Variants in FBXL17 observed in about 807,000 individuals in gnomAD.
FBXL17 encodes F-box and leucine rich repeat protein 17.
Under a neutral mutation model 66.2 loss-of-function variants are expected in FBXL17, and 22 were observed. The observed-to-expected ratio is 0.33, with a 90% confidence interval of 0.24 to 0.47. The LOEUF (loss-of-function observed/expected upper bound fraction) is 0.47. FBXL17 is among the 20% of genes least tolerant of loss of function. FBXL17 has a pLI of 1.00. For missense variants in FBXL17, 878 were observed against 948.2 expected (o/e 0.93, Z 0.97); for synonymous variants, 474 against 400.5 (o/e 1.18, Z -2.19).
intron 7 of FBXL17, among the ~76,000 whole-genome samples, chr5:107,957,751 T>C (rs966812592): frequency 6.6e-6 from 1 of 152,224 alleles, no homozygotes; most frequent in African/African-American, 2.4e-5. Context: ...AACTGTACTT[T>C]GACTGCCTAG....
intron 4 of FBXL17, among the ~76,000 whole-genome samples, chr5:108,344,354 A>G (rs1428620307): frequency 1.3e-5 from 2 of 152,216 alleles, no homozygotes; most frequent in Admixed American, 6.5e-5. Flanking sequence ...AACAGTCACA[A>G]TTAACTTTCA....
At chr5:108,360,196 T>C (rs549558379) in intron 3 of FBXL17, among the ~76,000 whole-genome samples, 3 of 152,192 alleles carry the variant, frequency 2.0e-5, no homozygotes, top group East Asian at 1.9e-4. Context: ...TTATTCTTCA[T>C]ATGGCTTTCA....
At chr5:108,181,064 TA>T (rs1752982633) in intron 6 of FBXL17, among the ~76,000 whole-genome samples, 1 of 152,100 alleles carries the variant, frequency 6.6e-6, no homozygotes, top group Admixed American at 6.6e-5. Flanking sequence ...AAAAAAAGAA[TA>T]AAAGAACCAT....
At chr5:108,135,854 T>G (rs1229275365) in intron 6 of FBXL17, among the ~76,000 whole-genome samples, 7 of 152,074 alleles carry the variant, frequency 4.6e-5, no homozygotes, top group African/African-American at 1.7e-4. Context: ...TTAGGTGAAT[T>G]ATTTTGGGAA....
chr5:107,927,870 T>C (rs1327149448), intron 7 of FBXL17, among the ~76,000 whole-genome samples: 1 of 152,104 alleles, frequency 6.6e-6, no homozygotes, highest in Non-Finnish European at 1.5e-5. Context: ...CATGGCTTTT[T>C]TCAGATCATG....
intron 7 of FBXL17, among the ~76,000 whole-genome samples, chr5:108,018,046 T>TA (rs892875261): frequency 7.3e-5 from 11 of 150,450 alleles, no homozygotes; most frequent in South Asian, 2.1e-4. Context: ...ATGAAGCCTG[T>TA]AAAAAAAAAT....
chr5:108,252,114 G>A (rs1580693627), intron 4 of FBXL17, among the ~76,000 whole-genome samples: 6 of 152,112 alleles, frequency 3.9e-5, no homozygotes. Flanking sequence ...ACGGGTGTTG[G>A]AGACAATATA....
At chr5:108,196,865 T>C (rs1753701409) in intron 5 of FBXL17, among the ~76,000 whole-genome samples, 2 of 152,194 alleles carry the variant, frequency 1.3e-5, no homozygotes, top group Non-Finnish European at 2.9e-5. Context: ...ATTTACATAT[T>C]TGTTCTTAAA....
chr5:108,006,833 A>C (rs1025619428), intron 7 of FBXL17, among the ~76,000 whole-genome samples: 9 of 152,188 alleles, frequency 5.9e-5, no homozygotes, highest in African/African-American at 1.7e-4. Flanking sequence ...CTTCAGGATA[A>C]AGGATTTGCA....
chr5:108,161,018 T>A (rs146605819), intron 6 of FBXL17, among the ~76,000 whole-genome samples: 1 of 152,144 alleles, frequency 6.6e-6, no homozygotes, highest in African/African-American at 2.4e-5. Context: ...AGCCTCCACA[T>A]TGGGAAACAC....
intron 6 of FBXL17, among the ~76,000 whole-genome samples, chr5:108,040,829 A>T (rs1747017411): frequency 6.6e-6 from 1 of 152,188 alleles, no homozygotes; most frequent in Non-Finnish European, 1.5e-5. Context: ...TTAAATATGT[A>T]GGAAGATAAA....
intron 6 of FBXL17, among the ~76,000 whole-genome samples, chr5:108,165,026 AT>A (rs1752362214): frequency 6.6e-6 from 1 of 152,230 alleles, no homozygotes; most frequent in African/African-American, 2.4e-5. Context: ...TCGAAATTCG[AT>A]TTCATGAAAT....
At chr5:107,959,744 A>C (rs2112624691) in intron 7 of FBXL17, among the ~76,000 whole-genome samples, 1 of 152,296 alleles carries the variant, frequency 6.6e-6, no homozygotes, top group South Asian at 2.1e-4. Flanking sequence ...CCTGGCCTTG[A>C]TTGACACAGA....
intron 1 of FBXL17, among the ~76,000 whole-genome samples, chr5:108,371,529 A>G (rs748697135): frequency 2.6e-5 from 4 of 152,210 alleles, no homozygotes; most frequent in Non-Finnish European, 5.9e-5. Flanking sequence ...TTGCTGGCCC[A>G]TTCACAAGAA....
chr5:108,377,743 C>T (rs931666341), intron 1 of FBXL17, among the ~76,000 whole-genome samples: 2 of 152,194 alleles, frequency 1.3e-5, no homozygotes, highest in African/African-American at 2.4e-5. Flanking sequence ...AAGTACATTT[C>T]TTGCGGATAT....
rs572645721 is a variant in FBXL17 at position 108,047,533 on chromosome 5, C to G, written c.1746-26532G>C. On this transcript the variant is annotated intron_variant, in intron 6 of 8. Coordinates refer to ENST00000542267, the MANE Select transcript of FBXL17 (RefSeq NM_001163315.3). Reference sequence around the variant, plus strand: ...AGCACTAGCACTCATAACTGCTTAACACGCTAAGCTCCCTGGGTGGGGGAA... The same window carrying G: ...AGCACTAGCACTCATAACTGCTTAAGACGCTAAGCTCCCTGGGTGGGGGAA... Among the ~76,000 whole-genome samples the G allele has an allele frequency of 7.9e-5, 12 of 152,304 alleles. No homozygotes were observed. The South Asian group carries it at 2.5e-3, about 32-fold the overall frequency.
chr5:108,305,911 G>C (rs1758816714), intron 4 of FBXL17, among the ~76,000 whole-genome samples: 1 of 151,966 alleles, frequency 6.6e-6, no homozygotes. Flanking sequence ...CATCCTGATA[G>C]CTTCTTTTCC....
chr5:108,117,743 C>T (rs544070846), intron 6 of FBXL17, among the ~76,000 whole-genome samples: 1 of 152,276 alleles, frequency 6.6e-6, no homozygotes, highest in Admixed American at 6.5e-5. Flanking sequence ...CTACTAACTA[C>T]ACCCCCTCTC....
chr5:108,093,324 C>T (rs1481956688), intron 6 of FBXL17, among the ~76,000 whole-genome samples: 2 of 151,800 alleles, frequency 1.3e-5, no homozygotes, highest in Non-Finnish European at 2.9e-5. Flanking sequence ...TTATGTTCCC[C>T]TGGAACTACT....
Sources: allele counts gnomAD v4.1 joint callset (sites outside exome capture counted in the v4.1 genomes callset), GRCh38; gene constraint gnomAD v4.1.1; transcripts MANE v1.5; gene names NCBI Gene and HGNC (gene_info 2026-07-23, HGNC 2026-07-21).